DHRSX: variants seen among roughly 807,000 people sequenced by gnomAD.
DHRSX encodes polyprenol dehydrogenase.
A neutral mutation model predicts 34.0 loss-of-function variants in DHRSX; 31 were observed. That is an observed-to-expected ratio of 0.91 (90% confidence interval 0.69 to 1.23). The LOEUF (loss-of-function observed/expected upper bound fraction) is 1.23, where lower values mean the gene tolerates loss of function less well. Among genes scored for constraint, DHRSX ranks in the 50% most tolerant of loss-of-function variants. DHRSX has a pLI of 0.00. For synonymous variants in DHRSX, 201 were observed against 183.8 expected (o/e 1.09, Z -0.76); for missense variants, 414 against 428.1 (o/e 0.97, Z 0.29).
At position 2,434,279 on chromosome X, in the gene DHRSX, C is replaced by T. The variant is rs191143678; in HGVS notation, c.110-8975G>A. On this transcript the variant is annotated intron_variant, in intron 1 of 6. Transcript: ENST00000334651. The stretch of plus-strand genomic sequence containing the variant: ...AAAAGTAGGGTTGTTATCCAGAATG[C>T]GTATGCCTTGGAGAAGTTAGAAGTT... 4.1e-3 allele frequency among the ~76,000 whole-genome samples: 625 copies of T among 152,264 alleles called. 7 individuals carry two copies. Among genetic ancestry groups the T allele is most frequent in the Middle Eastern group, 6.8e-3 (2 of 294 alleles).
At chrX:2,371,404 A>ATTACCATAGAGCCTCCTTCCG (rs752416128) in intron 3 of DHRSX, among the ~76,000 whole-genome samples, 1 of 142,592 alleles carries the variant, frequency 7.0e-6, no homozygotes, top group Non-Finnish European at 1.5e-5. Context: ...CCCTTCTCAC[A>ATTACCATAGAGCCTCCTTCCG]TTACCATAGT....
At chrX:2,235,633 C>T (rs896966561) in intron 6 of DHRSX, among the ~76,000 whole-genome samples, 3 of 146,242 alleles carry the variant, frequency 2.1e-5, no homozygotes, top group Admixed American at 6.9e-5. Context: ...ATCCCAGCTA[C>T]TCGGGAGGCT....
chrX:2,296,922 AGGAATAG>A (rs749756798), intron 3 of DHRSX, among the ~76,000 whole-genome samples: 20 of 64,224 alleles, frequency 3.1e-4, no homozygotes, highest in African/African-American at 7.1e-4. Flanking sequence ...CCAGGCAGAT[AGGAATAG>A]GACCCAGGCA....
chrX:2,442,090 CAT>C (rs938485251), intron 1 of DHRSX, among the ~76,000 whole-genome samples: 35 of 152,264 alleles, frequency 2.3e-4, no homozygotes, highest in East Asian at 7.7e-4. Flanking sequence ...ATTCTCAACA[CAT>C]GTTTGTATTT....
intron 4 of DHRSX, among the ~76,000 whole-genome samples, chrX:2,275,721 GGA>G (rs1274536316): frequency 6.6e-6 from 1 of 151,522 alleles, no homozygotes; most frequent in East Asian, 1.9e-4. Flanking sequence ...TCTGGGAGGC[GGA>G]GATTGCAGTG....
At chrX:2,335,820 AG>A (rs1169776804) in intron 3 of DHRSX, among the ~76,000 whole-genome samples, 1 of 151,838 alleles carries the variant, frequency 6.6e-6, no homozygotes, top group African/African-American at 2.4e-5. Flanking sequence ...TTTTCCCTTG[AG>A]CTTAGTGATT....
intron 3 of DHRSX, among the ~76,000 whole-genome samples, chrX:2,344,984 C>A (rs2042686284): frequency 6.8e-6 from 1 of 147,106 alleles, no homozygotes; most frequent in Non-Finnish European, 1.5e-5. Context: ...TTGAATATGA[C>A]TTGGCCTGTG....
chrX:2,276,818 A>C (rs1295510313), intron 4 of DHRSX, among the ~76,000 whole-genome samples: 1 of 143,366 alleles, frequency 7.0e-6, no homozygotes, highest in African/African-American at 2.6e-5. Context: ...AGAGACAAAG[A>C]GAGATGGAGA....
intron 3 of DHRSX, among the ~76,000 whole-genome samples, chrX:2,293,992 T>C (rs1454305481): frequency 1.3e-5 from 2 of 150,710 alleles, no homozygotes; most frequent in Non-Finnish European, 2.9e-5. Flanking sequence ...CCACTCACCA[T>C]CAGAGAGAGA....
intron 3 of DHRSX, among the ~76,000 whole-genome samples, chrX:2,295,267 C>T (rs2041918625): frequency 6.6e-6 from 1 of 152,150 alleles, no homozygotes; most frequent in African/African-American, 2.4e-5. Context: ...GAGTTCATGT[C>T]CTTTGCAGGG....
chrX:2,293,255 T>C (rs1162157226), intron 3 of DHRSX, among the ~76,000 whole-genome samples: 1 of 104,978 alleles, frequency 9.5e-6, no homozygotes, highest in Non-Finnish European at 2.5e-5. Context: ...TTAAAGCTGT[T>C]TTTTTTTTTT....
chrX:2,431,447 G>A lies in DHRSX; in HGVS notation c.110-6143C>T, dbSNP rs1296394576. On this transcript the variant is annotated intron_variant, in intron 1 of 6. Coordinates refer to ENST00000334651, the MANE Select transcript of DHRSX (RefSeq NM_145177.3). ...TAGTGCTGCGATGAACACACAGTAC[G>A]TGTGTCTTTTTGGTAGAATGACTTA... is the stretch of plus-strand genomic sequence containing the variant. 7.2e-5 allele frequency among the ~76,000 whole-genome samples: 11 copies of A among 152,222 alleles called. No homozygotes were observed. The East Asian group carries it at 1.7e-3, about 24-fold the overall frequency.
At chrX:2,463,456 C>A (rs911328037) in intron 1 of DHRSX, among the ~76,000 whole-genome samples, 2 of 150,394 alleles carry the variant, frequency 1.3e-5, no homozygotes, top group Admixed American at 6.7e-5. Flanking sequence ...CAAGTCTACA[C>A]GGATATAAAG....
At chrX:2,472,191 G>C (rs2044603620) in intron 1 of DHRSX, among the ~76,000 whole-genome samples, 1 of 150,616 alleles carries the variant, frequency 6.6e-6, no homozygotes, top group African/African-American at 2.4e-5. Flanking sequence ...AACATGCACG[G>C]AGGTGGAGGC....
At chrX:2,350,612 T>A (rs978217696) in intron 3 of DHRSX, among the ~76,000 whole-genome samples, 1 of 152,090 alleles carries the variant, frequency 6.6e-6, no homozygotes, top group African/African-American at 2.4e-5. Context: ...TCCACAAGTA[T>A]AAGGTTTTGG....
At chrX:2,327,361 G>A (rs933862682) in intron 3 of DHRSX, among the ~76,000 whole-genome samples, 1 of 152,190 alleles carries the variant, frequency 6.6e-6, no homozygotes, top group Non-Finnish European at 1.5e-5. Context: ...CCACAGAAAC[G>A]AGATGCCTCA....
chrX:2,251,380 T>C (rs910726316), intron 5 of DHRSX, among the ~76,000 whole-genome samples: 4 of 152,216 alleles, frequency 2.6e-5, no homozygotes, highest in Non-Finnish European at 5.9e-5. Flanking sequence ...AAGCAAGCAT[T>C]ACGTCACAGC....
intron 1 of DHRSX, among the ~76,000 whole-genome samples, chrX:2,493,119 C>G (rs1174085056): frequency 1.3e-5 from 2 of 152,186 alleles, no homozygotes; most frequent in African/African-American, 4.8e-5. Flanking sequence ...ATGCCAGCAC[C>G]CTGGTTTGTT....
At chrX:2,313,719 G>T (rs1414074472) in intron 3 of DHRSX, among the ~76,000 whole-genome samples, 1 of 152,100 alleles carries the variant, frequency 6.6e-6, no homozygotes, top group African/African-American at 2.4e-5. Flanking sequence ...TATTTGAAGA[G>T]ATTTATTCTG....
Sources: allele counts gnomAD v4.1 joint callset (sites outside exome capture counted in the v4.1 genomes callset), GRCh38; gene constraint gnomAD v4.1.1; transcripts MANE v1.5; gene names NCBI Gene and HGNC (gene_info 2026-07-23, HGNC 2026-07-21).